Variants in CCDC97 observed in about 807,000 individuals in gnomAD.
CCDC97 encodes coiled-coil domain containing 97.
A neutral mutation model predicts 33.9 loss-of-function variants in CCDC97; 27 were observed. That is an observed-to-expected ratio of 0.80 (90% CI 0.59 to 1.10). The LOEUF (loss-of-function observed/expected upper bound fraction) is 1.10. CCDC97 is among the 50% of genes least tolerant of loss of function. CCDC97 has a pLI of 0.00. For synonymous variants in CCDC97, 217 were observed against 194.0 expected, an observed-to-expected ratio of 1.12 and a Z score of -0.99; for missense variants, 422 against 476.6, an observed-to-expected ratio of 0.89 and a Z score of 1.07.
chr19:41,316,592 C>T lies in CCDC97; in HGVS notation c.255C>T (p.Pro85=), dbSNP rs780984453. ...LPVCSQQQGE[P]DLTEHEKVAI... ...TTTGCAGCCAGCAGCAGGGTGAACCCGACTTGACAGAGCATGAGAAAGTGG... is the reference window on the plus strand; with the variant it reads ...TTTGCAGCCAGCAGCAGGGTGAACCTGACTTGACAGAGCATGAGAAAGTGG... The change falls in exon 2 of 5, where the codon CCC becomes CCT. Residue 85 remains proline, a synonymous_variant. Transcript: ENST00000269967. The T allele has an allele frequency of 2.8e-5, 45 of 1,614,114 alleles. No homozygotes were observed. Among genetic ancestry groups the T allele is most frequent in the Middle Eastern group, 1.6e-4 (1 of 6,084 alleles).
chr19:41,314,647 C>G (rs80079695), intron 1 of CCDC97, among the ~76,000 whole-genome samples: 9,523 of 152,312 alleles, frequency 0.063, 384 homozygotes, highest in South Asian at 0.12. Context: ...CCCTCACCAC[C>G]TGAGGTCTCT....
At chr19:41,316,284 T>TA in intron 1 of CCDC97, 100 bp from the exon 2 acceptor site, 1 of 905,192 alleles carries the variant, frequency 1.1e-6, no homozygotes, top group Non-Finnish European at 1.7e-6. Flanking sequence ...GTGCCCAGAA[T>TA]ATAGTCAGTG....
At position 41,323,978 on chromosome 19, in the gene CCDC97, G is replaced by A. The variant is rs2037855688; in HGVS notation, c.*1263G>A. The A allele has an allele frequency of 6.6e-6, 1 of 152,584 alleles. No homozygotes were observed. Among genetic ancestry groups the A allele is most frequent in the South Asian group, 2.1e-4 (1 of 4,842 alleles). The allele number at this position is 152,584 out of a possible 1,614,324, so 9.5% of individuals were successfully genotyped here. ...ACACAGGGCAAGGGTCACCAAGTCG[G>A]GGCCTAGGGACTCCTCATGCCTCTG... is the stretch of plus-strand genomic sequence containing the variant. On this transcript the variant is annotated 3_prime_UTR_variant, in exon 5 of 5. Coordinates refer to ENST00000269967, the MANE Select transcript of CCDC97 (RefSeq NM_052848.3).
At chr19:41,311,320 T>A (rs772337883) in intron 1 of CCDC97, among the ~76,000 whole-genome samples, 1 of 151,976 alleles carries the variant, frequency 6.6e-6, no homozygotes, top group Non-Finnish European at 1.5e-5. Flanking sequence ...TCCTTTGAGA[T>A]TGCAGTGACC....
At chr19:41,320,868 C>T (rs1014213593) in intron 4 of CCDC97, 4 of 200,926 alleles carry the variant, frequency 2.0e-5, no homozygotes, top group South Asian at 1.6e-4. Context: ...AGTTCATGCC[C>T]GGCATGGAGG....
rs2037837847 is a variant in CCDC97 at position 41,322,737 on chromosome 19, C to T, written c.*22C>T. The T allele has an allele frequency of 6.2e-7, 1 of 1,608,876 alleles. No individual in the cohort carries two copies. Among genetic ancestry groups the T allele is most frequent in the South Asian group, 1.1e-5 (1 of 90,652 alleles). ...CTGATGGCCGCCACCCTTCCCACCG[C>T]CTGCCCCATCCCCATCCCCAACAAG... On this transcript the variant is annotated 3_prime_UTR_variant, in exon 5 of 5. Coordinates refer to ENST00000269967, the MANE Select transcript of CCDC97 (RefSeq NM_052848.3).
chr19:41,315,790 T>TA (rs1487748780), intron 1 of CCDC97, among the ~76,000 whole-genome samples: 4 of 149,772 alleles, frequency 2.7e-5, no homozygotes, highest in African/African-American at 9.8e-5. Context: ...CCTTATCTCT[T>TA]AAAAAATAAA....
chr19:41,313,658 A>G (rs1408084989), intron 1 of CCDC97, among the ~76,000 whole-genome samples: 1 of 152,132 alleles, frequency 6.6e-6, no homozygotes, highest in African/African-American at 2.4e-5. Flanking sequence ...CACTCTTGGG[A>G]AACAAGTCTC....
chr19:41,321,552 G>A (rs1364877322), intron 4 of CCDC97, among the ~76,000 whole-genome samples: 1 of 152,226 alleles, frequency 6.6e-6, no homozygotes, highest in Non-Finnish European at 1.5e-5. Context: ...TTCCCTGCCT[G>A]AAAAGGGGTC....
At chr19:41,310,484 C>T (rs561047151) in intron 1 of CCDC97, 128 bp downstream of exon 1, 29 of 1,494,952 alleles carry the variant, frequency 1.9e-5, no homozygotes, top group Non-Finnish European at 2.3e-5. Flanking sequence ...TTTACCGGTC[C>T]TCTTCACTAC....
rs1169118100 is a variant in CCDC97 at position 41,319,626 on chromosome 19, T to C, written c.555T>C (p.Tyr185=). ...TGCGGTTCCGGGCCCCCCTGCTATATGAGCAGTACATCGGGCAGTATCTCA... is the reference window on the plus strand; with the variant it reads ...TGCGGTTCCGGGCCCCCCTGCTATACGAGCAGTACATCGGGCAGTATCTCA... The part of the protein sequence containing the change: ...EQMRFRAPLL[Y]EQYIGQYLTQ... Residue 185 remains tyrosine (Y), a synonymous_variant, in exon 3 of 5, where the codon TAT becomes TAC. Coordinates refer to ENST00000269967, the MANE Select transcript of CCDC97 (RefSeq NM_052848.3). 6 of 1,613,692 alleles carry C rather than the reference T, an allele frequency of 3.7e-6. No homozygotes were observed. Among genetic ancestry groups the C allele is most frequent in the Non-Finnish European group, 4.2e-6 (5 of 1,179,762 alleles).
intron 2 of CCDC97, among the ~76,000 whole-genome samples, chr19:41,317,081 T>C (rs8109627): frequency 0.33 from 50,891 of 152,014 alleles, 9,676 homozygotes; most frequent in African/African-American, 0.52. Context: ...TAGTAGATGT[T>C]AGAAGTGGCA....
At chr19:41,321,567 T>C (rs993916332) in intron 4 of CCDC97, among the ~76,000 whole-genome samples, 3 of 152,192 alleles carry the variant, frequency 2.0e-5, no homozygotes, top group Non-Finnish European at 2.9e-5. Flanking sequence ...GGGGTCCCAC[T>C]CTAGTGAGGA....
At chr19:41,321,572 T>A (rs2037825387) in intron 4 of CCDC97, among the ~76,000 whole-genome samples, 1 of 152,094 alleles carries the variant, frequency 6.6e-6, no homozygotes, top group Non-Finnish European at 1.5e-5. Flanking sequence ...CCCACTCTAG[T>A]GAGGAAGATC....
Position 41,316,534 on chromosome 19 carries a change from T to G in CCDC97, c.197T>G (p.Met66Arg). ...GCTGAAAATGCAGCAGTGAGTGCTATGCTGCACGCTGTAGCCGCCAGCCGC... is the reference window on the plus strand; with the variant it reads ...GCTGAAAATGCAGCAGTGAGTGCTAGGCTGCACGCTGTAGCCGCCAGCCGC... ...SGAENAAVSA[M>R]LHAVAASRLP... The change falls in exon 2 of 5, where the codon ATG becomes AGG. Residue 66 changes from methionine to arginine, a missense_variant. Met to Arg is a moderately conservative substitution (Grantham distance 91, BLOSUM62 -1). Transcript: ENST00000269967. The G allele has an allele frequency of 6.2e-7, 1 of 1,614,258 alleles. No individual in the cohort carries two copies. Among genetic ancestry groups the G allele is most frequent in the South Asian group, 1.1e-5 (1 of 91,088 alleles).
At chr19:41,322,063 C>T (rs370023448) in intron 4 of CCDC97, among the ~76,000 whole-genome samples, 7 of 152,190 alleles carry the variant, frequency 4.6e-5, no homozygotes, top group African/African-American at 1.4e-4. Flanking sequence ...GCCCATGTGT[C>T]GCCACATTTT....
At position 41,323,525 on chromosome 19, in the gene CCDC97, G is replaced by T. The variant is rs547862675; in HGVS notation, c.*810G>T. 7.1e-4 allele frequency: 108 copies of T among 153,140 alleles called. 1 individual carries two copies. Among genetic ancestry groups the T allele is most frequent in the African/African-American group, 2.5e-3 (103 of 41,524 alleles). The allele number at this position is 153,140 out of a possible 1,614,324, so 9.5% of individuals were successfully genotyped here. A position where few individuals can be genotyped will look rare whatever the true frequency, so the allele number is the denominator to read the frequency against. ...GGAGGAGACCCCAGGCAGGGAGGATGGGGGCAGCTCTCTTCTCTCCCCAGG... is the reference window on the plus strand; with the variant it reads ...GGAGGAGACCCCAGGCAGGGAGGATTGGGGCAGCTCTCTTCTCTCCCCAGG... On this transcript the variant is annotated 3_prime_UTR_variant, in exon 5 of 5. Coordinates refer to ENST00000269967, the MANE Select transcript of CCDC97 (RefSeq NM_052848.3).
At chr19:41,318,181 G>A (rs1019703493) in intron 2 of CCDC97, among the ~76,000 whole-genome samples, 2 of 151,516 alleles carry the variant, frequency 1.3e-5, no homozygotes, top group Non-Finnish European at 2.9e-5. Flanking sequence ...GGGCACAGTG[G>A]CTCAGACCTG....
Position 41,322,604 on chromosome 19 carries a change from CGACAACCCCGA to C in CCDC97, c.922_932del (p.Asp308LeufsTer11). On this transcript the variant is annotated frameshift_variant, in exon 5 of 5. Coordinates refer to ENST00000269967, the MANE Select transcript of CCDC97 (RefSeq NM_052848.3). LOFTEE classifies it high-confidence loss of function. ...CCTCCTCCTCCTGCAGCACAGTAGA[CGACAACCCCGA>C]CTTCGACAACCTCGACATCGTGGCA... is the stretch of plus-strand genomic sequence containing the variant. 1 of 1,613,218 alleles carries C rather than the reference CGACAACCCCGA, an allele frequency of 6.2e-7. No individual in the cohort carries two copies. Among genetic ancestry groups the C allele is most frequent in the Non-Finnish European group, 8.5e-7 (1 of 1,179,494 alleles).
Sources: allele counts gnomAD v4.1 joint callset (sites outside exome capture counted in the v4.1 genomes callset), GRCh38; gene constraint gnomAD v4.1.1; transcripts MANE v1.5; gene names NCBI Gene and HGNC (gene_info 2026-07-23, HGNC 2026-07-21).